Variants in RGPD1 observed in about 807,000 individuals in gnomAD.
RGPD1 encodes the protein RANBP2-like and GRIP domain-containing protein 1.
RGPD1 carries 7 observed loss-of-function variants against 40.6 expected under a neutral mutation model. The observed-to-expected ratio is 0.17, with a 90% CI of 0.10 to 0.32. The LOEUF (loss-of-function observed/expected upper bound fraction) is 0.32, where lower values mean the gene tolerates loss of function less well. RGPD1 is among the 10% of genes least tolerant of loss of function. The pLI, the probability that RGPD1 is intolerant of heterozygous loss-of-function variation, is 1.00. For synonymous variants in RGPD1, 24 were observed against 167.0 expected (o/e 0.14, Z 6.60); for missense variants, 50 against 472.5 (o/e 0.11, Z 8.29).
At chr2:86,941,452 A>G (rs1558797984), upstream of RGPD1, among the ~76,000 whole-genome samples, 1 of 147,752 alleles carries the variant, frequency 6.8e-6, no homozygotes. Context: ...CAGTGGCGCT[A>G]TCACAGTTCA....
At chr2:86,925,926 A>G (rs567111880) in intron 1 of RGPD1, among the ~76,000 whole-genome samples, 1 of 152,092 alleles carries the variant, frequency 6.6e-6, no homozygotes, top group Non-Finnish European at 1.5e-5. Context: ...ATGAATAATT[A>G]AAAAAATCCA....
At chr2:86,943,092 G>C (rs1217347593) in intron 1 of RGPD1, among the ~76,000 whole-genome samples, 2 of 151,646 alleles carry the variant, frequency 1.3e-5, no homozygotes, top group East Asian at 3.9e-4. Context: ...ACCCAGTGGG[G>C]ACTGACGCAG....
At chr2:86,930,511 G>A in intron 1 of RGPD1, 5 of 1,538,740 alleles carry the variant, frequency 3.2e-6, no homozygotes, top group Non-Finnish European at 4.5e-6. Context: ...TGCAGCCTGA[G>A]TTTAGCTCGT....
chr2:86,960,684 G>A lies in RGPD1; in HGVS notation c.779+2257G>A, dbSNP rs1680917381. ...GGCTCACTGCAAGCTCTGTCTCCAG[G>A]GTTCATGCCATTCTCCTGCCTCAGC... On this transcript the variant is annotated intron_variant, in intron 6 of 22. Transcript: ENST00000641458. 6.2e-5 allele frequency among the ~76,000 whole-genome samples: 7 copies of A among 112,382 alleles called. No individual in the cohort carries two copies. The South Asian group carries it at 1.8e-3, about 29-fold the overall frequency. 73.7% of individuals were successfully genotyped at this position (112,382 alleles called of 152,430 possible).
intron 1 of RGPD1, among the ~76,000 whole-genome samples, chr2:86,923,060 C>T (rs1220356796): frequency 3.2e-5 from 3 of 94,550 alleles, no homozygotes; most frequent in Non-Finnish European, 3.9e-5. Flanking sequence ...TTTTTTGAGA[C>T]GGAGTATCGT....
intron 1 of RGPD1, chr2:86,913,995 G>GCT (rs1677578233): frequency 1.2e-6 from 1 of 855,194 alleles, no homozygotes; most frequent in Non-Finnish European, 1.4e-6. Flanking sequence ...GGCGGCGGCG[G>GCT]CGGCCTCGGC....
chr2:86,929,939 T>C (rs1678798033), intron 1 of RGPD1, among the ~76,000 whole-genome samples: 1 of 140,654 alleles, frequency 7.1e-6, no homozygotes, highest in Non-Finnish European at 1.6e-5. Flanking sequence ...ACTTATGGGA[T>C]GTCCCCTTCA....
rs1175704937 is a variant in RGPD1, at chr2:86,914,418, G to GGGC, written c.72+552_72+554dup. Among the ~76,000 whole-genome samples, 2 of 9,836 alleles carry GGGC rather than the reference G, an allele frequency of 2.0e-4. 1 individual carries two copies. Among genetic ancestry groups the GGGC allele is most frequent in the Non-Finnish European group, 3.8e-4 (2 of 5,264 alleles). The allele number at this position is 9,836 out of a possible 152,430, so 6.5% of individuals were successfully genotyped here. On this transcript the variant is annotated intron_variant, in intron 1 of 22. Coordinates refer to the RGPD1 transcript ENST00000398193. The stretch of plus-strand genomic sequence containing the variant: ...CGGCGGCGGCGGCCTCGACCTGGCC[G>GGGC]GGCGGCGGCGGCGGCGGCGGCGGCG...
intron 1 of RGPD1, among the ~76,000 whole-genome samples, chr2:86,918,451 ATCT>A (rs1414537836): frequency 2.4e-5 from 3 of 126,028 alleles, no homozygotes; most frequent in African/African-American, 3.3e-5. Context: ...TGCACACCAA[ATCT>A]TTTTTTTTTT....
rs1682277110 is a variant in RGPD1 at position 87,013,594 on chromosome 2, T to C, written c.*1047T>C. 1 of 54,022 alleles carries C rather than the reference T, an allele frequency of 1.9e-5. No homozygotes were observed. Among genetic ancestry groups the C allele is most frequent in the Non-Finnish European group, 3.4e-5 (1 of 29,560 alleles). The allele number at this position is 54,022 out of a possible 1,614,324, so 3.3% of individuals were successfully genotyped here. On this transcript the variant is annotated 3_prime_UTR_variant, in exon 23 of 23. Coordinates refer to ENST00000641458, the MANE Select transcript of RGPD1 (RefSeq NM_001382344.1). ...GGCTGAAAGAGATCCAACCCACTTCTATTTCTTCAGGCTCCCAGTGATATG... is the reference window on the plus strand; with the variant it reads ...GGCTGAAAGAGATCCAACCCACTTCCATTTCTTCAGGCTCCCAGTGATATG...
chr2:86,942,397 G>T lies in RGPD1; in HGVS notation c.72+89G>T. 5.3e-6 allele frequency: 6 copies of T among 1,131,172 alleles called. No individual in the cohort carries two copies. The South Asian group carries it at 1.3e-4, about 24-fold the overall frequency. 70.1% of individuals were successfully genotyped at this position (1,131,172 alleles called of 1,614,324 possible). The stretch of plus-strand genomic sequence containing the variant: ...GGCGGCGGCCTCGACCTGGCCGGGC[G>T]GCGGCCTCGATGGCTCAGGCGTCAT... On this transcript the variant is annotated intron_variant, in intron 1 of 22. Transcript: ENST00000641458.
intron 1 of RGPD1, among the ~76,000 whole-genome samples, chr2:86,932,011 T>C (rs1679025567): frequency 6.7e-6 from 1 of 148,236 alleles, no homozygotes; most frequent in African/African-American, 2.4e-5. Flanking sequence ...CTATAACATA[T>C]AGACAGAGAA....
chr2:86,914,209 G>GGCT, intron 1 of RGPD1, among the ~76,000 whole-genome samples: 1 of 75,648 alleles, frequency 1.3e-5, no homozygotes, highest in African/African-American at 5.0e-5. Flanking sequence ...GGCCTGGCCG[G>GGCT]GCGGCGGCGG....
intron 1 of RGPD1, among the ~76,000 whole-genome samples, chr2:86,943,343 C>T (rs1398868657): frequency 7.3e-6 from 1 of 137,426 alleles, no homozygotes; most frequent in African/African-American, 2.7e-5. Context: ...TTCTAAAGTT[C>T]TTACAAATCG....
chr2:86,943,178 G>A (rs1398265253), intron 1 of RGPD1, among the ~76,000 whole-genome samples: 1 of 151,190 alleles, frequency 6.6e-6, no homozygotes, highest in Non-Finnish European at 1.5e-5. Flanking sequence ...TGGCCCGACG[G>A]CGCAAATGAC....
At chr2:86,956,979 T>C (rs2104801680) in intron 4 of RGPD1, among the ~76,000 whole-genome samples, 1 of 144,304 alleles carries the variant, frequency 6.9e-6, no homozygotes, top group East Asian at 2.1e-4. Context: ...TGGTTGAGGT[T>C]GGAGTAGAGG....
At chr2:87,006,615 G>C (rs1026545516) in intron 22 of RGPD1, among the ~76,000 whole-genome samples, 1 of 148,926 alleles carries the variant, frequency 6.7e-6, no homozygotes, top group Non-Finnish European at 1.5e-5. Flanking sequence ...CAAAAAATTA[G>C]CCAGGCGTGT....
intron 1 of RGPD1, among the ~76,000 whole-genome samples, chr2:86,945,399 A>G (rs927482202): frequency 6.6e-6 from 1 of 152,174 alleles, no homozygotes; most frequent in Non-Finnish European, 1.5e-5. Context: ...AAGGTAAGGA[A>G]TGGAGGGAGA....
At chr2:86,920,511 G>A (rs2104667234) in intron 1 of RGPD1, among the ~76,000 whole-genome samples, 1 of 117,812 alleles carries the variant, frequency 8.5e-6, no homozygotes, top group African/African-American at 3.3e-5. Flanking sequence ...GTAGTTTTGT[G>A]TATCATTGTC....
Sources: gnomAD v4.1 joint callset for allele counts (sites outside exome capture counted in the v4.1 genomes callset) on GRCh38, gnomAD v4.1.1 for gene constraint, MANE v1.5 for transcripts, NCBI Gene and HGNC (gene_info 2026-07-23, HGNC 2026-07-21) for gene names.